Variants in CDHR3 observed in about 807,000 individuals in gnomAD.
The protein encoded by CDHR3 is cadherin related family member 3.
CDHR3 carries 79 observed loss-of-function variants against 86.6 expected under a neutral mutation model. The observed-to-expected ratio is 0.91, with a 90% CI of 0.76 to 1.10. The LOEUF (loss-of-function observed/expected upper bound fraction) is 1.10, where lower values mean the gene tolerates loss of function less well. Among genes scored for constraint, CDHR3 ranks in the 50% least tolerant of loss-of-function variants. The pLI is 0.00. For synonymous variants in CDHR3, 421 were observed against 402.4 expected (o/e 1.05, Z -0.55); for missense variants, 1,081 against 1,077.6 (o/e 1.00, Z -0.04).
chr7:105,970,713 G>A (rs574820003), intron 1 of CDHR3, among the ~76,000 whole-genome samples: 1 of 152,144 alleles, frequency 6.6e-6, no homozygotes. Flanking sequence ...TGTGAATATT[G>A]TATCTTATTC....
At chr7:105,990,728 A>ACTGCAAGC (rs11282259) in intron 4 of CDHR3, among the ~76,000 whole-genome samples, 1 of 151,276 alleles carries the variant, frequency 6.6e-6, no homozygotes, top group Non-Finnish European at 1.5e-5. Context: ...GTTTGTTTCT[A>ACTGCAAGC]CTGAAAGCAA....
At chr7:106,011,107 G>T (rs1255075048) in intron 8 of CDHR3, among the ~76,000 whole-genome samples, 1 of 152,132 alleles carries the variant, frequency 6.6e-6, no homozygotes, top group Non-Finnish European at 1.5e-5. Flanking sequence ...TGACAGCCAC[G>T]ATATATTTTT....
intron 11 of CDHR3, among the ~76,000 whole-genome samples, chr7:106,016,319 T>TTTAAG: frequency 6.6e-6 from 1 of 152,356 alleles, no homozygotes; most frequent in East Asian, 1.9e-4. Context: ...CTTTTCCAGG[T>TTTAAG]TTAAGTTTTC....
In CDHR3 at chr7:105,994,624, C is replaced by G. The variant is rs1831894173; in HGVS notation, c.514-127C>G. 3 of 701,318 alleles carry G rather than the reference C, an allele frequency of 4.3e-6. No homozygotes were observed. The East Asian group carries it at 8.2e-5, about 19-fold the overall frequency. 43.4% of individuals were successfully genotyped at this position (701,318 alleles called of 1,614,324 possible). ...TTAAATTGGATAACTGCTCTTTGAA[C>G]CGCATCCTGATGCATCGAGAACGTT... On this transcript the variant is annotated intron_variant, in intron 4 of 18. Coordinates refer to ENST00000317716, the MANE Select transcript of CDHR3 (RefSeq NM_152750.5).
At chr7:106,028,388 T>C in intron 16 of CDHR3, 163 bp from the exon 17 acceptor site, 1 of 766,034 alleles carries the variant, frequency 1.3e-6, no homozygotes, top group South Asian at 1.5e-5. Context: ...TCTGAGAAGA[T>C]GGAAAGTTGT....
rs185203196 is a variant in CDHR3, at chr7:105,999,940, C to T, written c.714-1522C>T. Among the ~76,000 whole-genome samples, 21 of 152,274 alleles carry T rather than the reference C, an allele frequency of 1.4e-4. No individual in the cohort carries two copies. In the East Asian group the frequency reaches 2.5e-3, roughly 18 times the overall value. ...CTCTTTTTTGGAAGTTAACAGAACC[C>T]GCTCATGATGACCAAAGCAAAAACA... On this transcript the variant is annotated intron_variant, in intron 6 of 18. Coordinates refer to ENST00000317716, the MANE Select transcript of CDHR3 (RefSeq NM_152750.5).
rs546849055 is a variant in CDHR3 at position 105,991,646 on chromosome 7, T to G, written c.514-3105T>G. Among the ~76,000 whole-genome samples, 5 of 152,362 alleles carry G rather than the reference T, an allele frequency of 3.3e-5. No individual in the cohort carries two copies. In the East Asian group the frequency reaches 9.6e-4, roughly 29 times the overall value. On this transcript the variant is annotated intron_variant, in intron 4 of 18. Transcript: ENST00000317716. The stretch of plus-strand genomic sequence containing the variant: ...GGATGGTTTTTTGTTGTTGCTTTTT[T>G]GTTTTAAGATTCTCTAAGGTGGGAA...
chr7:105,993,361 A>C (rs1442004911), intron 4 of CDHR3, among the ~76,000 whole-genome samples: 2 of 152,168 alleles, frequency 1.3e-5, no homozygotes, highest in Non-Finnish European at 2.9e-5. Flanking sequence ...CACTTGTCCC[A>C]GATCTTGTGG....
At chr7:105,977,724 C>A (rs1207931208) in intron 2 of CDHR3, among the ~76,000 whole-genome samples, 1 of 152,300 alleles carries the variant, frequency 6.6e-6, no homozygotes, top group East Asian at 1.9e-4. Context: ...AGAATCTGGC[C>A]CCTCCTTGGA....
chr7:105,973,966 A>G (rs940357064), intron 1 of CDHR3, among the ~76,000 whole-genome samples: 1 of 152,106 alleles, frequency 6.6e-6, no homozygotes, highest in African/African-American at 2.4e-5. Context: ...AAAAAACAAA[A>G]ACAAATAAGG....
At chr7:105,985,892 A>G (rs564417471) in intron 4 of CDHR3, among the ~76,000 whole-genome samples, 2 of 152,308 alleles carry the variant, frequency 1.3e-5, no homozygotes, top group South Asian at 2.1e-4. Flanking sequence ...TTCTTCTCTA[A>G]TAAGTCTAGA....
chr7:106,032,082 G>T (rs772009593), intron 18 of CDHR3, among the ~76,000 whole-genome samples: 2 of 152,212 alleles, frequency 1.3e-5, no homozygotes, highest in African/African-American at 4.8e-5. Context: ...TCCAAAGCTT[G>T]CATGGAGTTC....
chr7:106,015,976 C>T lies in CDHR3; in HGVS notation c.1377C>T (p.Leu459=), dbSNP rs1430945553. 6.2e-7 allele frequency: 1 copy of T among 1,613,200 alleles called. No homozygotes were observed. The highest frequency in any genetic ancestry group is 2.2e-5 in the East Asian group (1 of 44,878). The change falls in exon 11 of 19, where the codon CTC becomes CTT. Residue 459 remains leucine (L), a synonymous_variant. Transcript: ENST00000317716. ...CAAGCCCAGAAAATGAGTTTCCTCT[C>T]ATTTTTGATAGGCCATCCTATGTAT... The part of the protein sequence containing the change: ...ILTSPENEFP[L]IFDRPSYVFD...
intron 7 of CDHR3, among the ~76,000 whole-genome samples, chr7:106,003,171 C>A (rs1333803249): frequency 6.7e-6 from 1 of 148,464 alleles, no homozygotes; most frequent in African/African-American, 2.5e-5. Flanking sequence ...TGAGATATTT[C>A]ATATCATTTT....
At chr7:105,985,227 A>G (rs1197072414) in intron 4 of CDHR3, among the ~76,000 whole-genome samples, 1 of 152,166 alleles carries the variant, frequency 6.6e-6, no homozygotes, top group Admixed American at 6.5e-5. Flanking sequence ...ATAACCACCA[A>G]TCCTCAGGTG....
At position 106,022,463 on chromosome 7, in the gene CDHR3, A is replaced by G. The variant is rs1836719138; in HGVS notation, c.2076+15A>G. Reference sequence around the variant, plus strand: ...CGACCCCCAGGGTAAGGGCTTTAGGACCTGGAATCCCCAGGCACATTCCCT... The same window carrying G: ...CGACCCCCAGGGTAAGGGCTTTAGGGCCTGGAATCCCCAGGCACATTCCCT... On this transcript the variant is annotated intron_variant, in intron 14 of 18. Transcript: ENST00000317716. The G allele has an allele frequency of 4.3e-6, 7 of 1,610,438 alleles. No individual in the cohort carries two copies. The highest frequency in any genetic ancestry group is 5.9e-6 in the Non-Finnish European group (7 of 1,177,554).
chr7:105,968,303 G>A (rs1827301738), intron 1 of CDHR3, among the ~76,000 whole-genome samples: 1 of 152,084 alleles, frequency 6.6e-6, no homozygotes, highest in African/African-American at 2.4e-5. Context: ...AACAACATTT[G>A]ACAATGCTTT....
At chr7:105,975,348 TA>T (rs1828641402) in intron 2 of CDHR3, among the ~76,000 whole-genome samples, 1 of 152,204 alleles carries the variant, frequency 6.6e-6, no homozygotes, top group African/African-American at 2.4e-5. Flanking sequence ...GTGCCTACAG[TA>T]TCTAAATTCT....
rs372842958 is a variant in CDHR3, at chr7:106,035,839, C to T, written c.*3142C>T. On this transcript the variant is annotated 3_prime_UTR_variant, in exon 19 of 19. Coordinates refer to ENST00000317716, the MANE Select transcript of CDHR3 (RefSeq NM_152750.5). ...AAGTTACAACGTTGCAACGAAGACT[C>T]GGCTGGCAATCAGTCTGATTGGTTA... The T allele has an allele frequency of 9.9e-5, 15 of 152,160 alleles. No individual in the cohort carries two copies. Among genetic ancestry groups the T allele is most frequent in the African/African-American group, 2.2e-4 (9 of 41,426 alleles). The allele number at this position is 152,160 out of a possible 1,614,324, so 9.4% of individuals were successfully genotyped here.
Sources: allele counts gnomAD v4.1 joint callset (sites outside exome capture counted in the v4.1 genomes callset), GRCh38; gene constraint gnomAD v4.1.1; transcripts MANE v1.5; gene names NCBI Gene and HGNC (gene_info 2026-07-23, HGNC 2026-07-21).